PLLP: variants seen among roughly 807,000 people sequenced by gnomAD.
The protein encoded by PLLP is plasmolipin, also known as plasma membrane proteolipid (plasmolipin).
In PLLP, 15 loss-of-function variants were observed where a neutral mutation model predicts 19.7. The ratio of observed to expected loss-of-function variants is 0.76; its 90% CI spans 0.51 to 1.17. PLLP has a LOEUF of 1.17. Among genes scored for constraint, PLLP ranks in the 50% most tolerant of loss-of-function variants. PLLP has a pLI of 0.00. For synonymous variants in PLLP, 111 were observed against 116.3 expected (o/e 0.95, Z 0.29); for missense variants, 255 against 258.3 (o/e 0.99, Z 0.09).
At chr16:57,273,536 G>A (rs185344423) in intron 1 of PLLP, among the ~76,000 whole-genome samples, 735 of 152,324 alleles carry the variant, frequency 4.8e-3, no homozygotes, top group Non-Finnish European at 8.2e-3. Context: ...CAACAGCAAA[G>A]GGCCTGGGCC....
At chr16:57,276,126 C>G (rs1249174255) in intron 1 of PLLP, among the ~76,000 whole-genome samples, 1 of 151,792 alleles carries the variant, frequency 6.6e-6, no homozygotes, top group African/African-American at 2.4e-5. Context: ...ACAAACAACC[C>G]AAACACATTT....
intron 1 of PLLP, among the ~76,000 whole-genome samples, chr16:57,270,298 C>T (rs1331092368): frequency 2.9e-5 from 4 of 137,212 alleles, no homozygotes; most frequent in African/African-American, 1.1e-4. Context: ...CCCCCGAGTC[C>T]TTCCCCAGCC....
chr16:57,270,784 C>T (rs2075472344), intron 1 of PLLP, among the ~76,000 whole-genome samples: 1 of 152,158 alleles, frequency 6.6e-6, no homozygotes, highest in African/African-American at 2.4e-5. Flanking sequence ...GGAGTCATCC[C>T]CGCTCTCCAG....
At chr16:57,258,116 A>T (rs1422160284) in intron 3 of PLLP, among the ~76,000 whole-genome samples, 1 of 152,216 alleles carries the variant, frequency 6.6e-6, no homozygotes, top group Non-Finnish European at 1.5e-5. Context: ...CTCTAGTCCC[A>T]GCTACTTGGG....
chr16:57,277,134 C>A (rs1263219757), intron 1 of PLLP, among the ~76,000 whole-genome samples: 4 of 152,220 alleles, frequency 2.6e-5, no homozygotes, highest in Admixed American at 2.0e-4. Flanking sequence ...GAATCTAGAG[C>A]CACATTTGCA....
chr16:57,261,304 C>A (rs933833147), intron 2 of PLLP, among the ~76,000 whole-genome samples: 1 of 152,078 alleles, frequency 6.6e-6, no homozygotes, highest in African/African-American at 2.4e-5. Flanking sequence ...CACACCCGGC[C>A]GGGAAAAATA....
intron 1 of PLLP, among the ~76,000 whole-genome samples, chr16:57,262,987 G>A (rs1264753875): frequency 6.6e-6 from 1 of 152,098 alleles, no homozygotes; most frequent in African/African-American, 2.4e-5. Flanking sequence ...CACAGCCGTG[G>A]CTGTCTCACA....
rs1216368405 is a variant in PLLP at position 57,258,477 on chromosome 16, C to G, written c.417G>C (p.Gln139His). 1 of 1,611,762 alleles carries G rather than the reference C, an allele frequency of 6.2e-7. No individual in the cohort carries two copies. Among genetic ancestry groups the G allele is most frequent in the African/African-American group, 1.3e-5 (1 of 74,908 alleles). ...GCAGACTCACCGAGGCAGCCGCGCG[C>G]TGGTTATAAGGCCGGGTGCCCCTCA... ...TSLRGTRPYN[Q>H]RAAASFFACL... The change falls in exon 3 of 4, where the codon CAG (glutamine) becomes CAC (histidine). Residue 139 changes from glutamine (Q) to histidine (H), a missense_variant. Physicochemically the swap from Gln to His is conservative, Grantham distance 24. Transcript: ENST00000219207.
At chr16:57,280,474 C>T (rs1298071893) in intron 1 of PLLP, among the ~76,000 whole-genome samples, 1 of 152,060 alleles carries the variant, frequency 6.6e-6, no homozygotes, top group East Asian at 1.9e-4. Flanking sequence ...ACACAAAAAT[C>T]TGTAGCACTG....
intron 3 of PLLP, 31 bp downstream of exon 3, chr16:57,258,431 A>G (rs756853160): frequency 1.2e-6 from 2 of 1,602,964 alleles, no homozygotes; most frequent in East Asian, 4.5e-5. Context: ...GACCCTGCAG[A>G]CCACCAAGGG....
chr16:57,275,964 T>C (rs1901148920), intron 1 of PLLP, among the ~76,000 whole-genome samples: 1 of 151,986 alleles, frequency 6.6e-6, no homozygotes, highest in Non-Finnish European at 1.5e-5. Context: ...AAAAATTAGC[T>C]GGGCATGGTG....
At chr16:57,278,617 G>A (rs899094863) in intron 1 of PLLP, among the ~76,000 whole-genome samples, 3 of 152,140 alleles carry the variant, frequency 2.0e-5, no homozygotes, top group African/African-American at 7.2e-5. Flanking sequence ...GAGTGTGGGG[G>A]GAACTAACAA....
At chr16:57,280,850 TGAA>T (rs1253710301) in intron 1 of PLLP, among the ~76,000 whole-genome samples, 2 of 152,244 alleles carry the variant, frequency 1.3e-5, no homozygotes, top group Non-Finnish European at 2.9e-5. Flanking sequence ...CAGACATCTG[TGAA>T]GAATACTGAG....
At position 57,258,447 on chromosome 16, in the gene PLLP, G is replaced by C; in HGVS notation, c.432+15C>G. 1 of 1,606,966 alleles carries C rather than the reference G, an allele frequency of 6.2e-7. No individual in the cohort carries two copies. The highest frequency in any genetic ancestry group is 8.5e-7 in the Non-Finnish European group (1 of 1,179,500). ...ACCCTGCAGACCACCAAGGGAGCCTGGGAAGCAGACTCACCGAGGCAGCCG... is the reference window on the plus strand; with the variant it reads ...ACCCTGCAGACCACCAAGGGAGCCTCGGAAGCAGACTCACCGAGGCAGCCG... On this transcript the variant is annotated intron_variant, in intron 3 of 3. Transcript: ENST00000219207.
At chr16:57,267,030 T>C (rs533484867) in intron 1 of PLLP, among the ~76,000 whole-genome samples, 2 of 152,288 alleles carry the variant, frequency 1.3e-5, no homozygotes, top group Admixed American at 6.5e-5. Flanking sequence ...ACCTGTGGCA[T>C]CAGAGAGAAG....
chr16:57,273,064 C>T (rs533901993), intron 1 of PLLP, among the ~76,000 whole-genome samples: 3 of 151,910 alleles, frequency 2.0e-5, no homozygotes, highest in Admixed American at 1.3e-4. Context: ...CGAGACCATC[C>T]TGGCTAACAT....
chr16:57,259,485 C>T (rs1368931130), intron 2 of PLLP, among the ~76,000 whole-genome samples: 1 of 152,204 alleles, frequency 6.6e-6, no homozygotes, highest in Non-Finnish European at 1.5e-5. Flanking sequence ...ACCAGACTGG[C>T]AGGAAGGGGC....
Position 57,282,228 on chromosome 16 carries a change from CTTT to C in PLLP, c.135+2175_135+2177del, listed in dbSNP as rs5817092. ...TGCTAGTCTCTTTCTTTTTTCTTTT[CTTT>C]TTTTTTTTTTGTGTGTGTGTTTGTC... is the stretch of plus-strand genomic sequence containing the variant. On this transcript the variant is annotated intron_variant, in intron 1 of 3. Coordinates refer to ENST00000219207, the MANE Select transcript of PLLP (RefSeq NM_015993.3). 7.5e-5 allele frequency among the ~76,000 whole-genome samples: 11 copies of C among 146,652 alleles called. No individual in the cohort carries two copies. In the East Asian group the frequency reaches 8.0e-4, roughly 11 times the overall value.
chr16:57,271,928 G>A (rs1241484968), intron 1 of PLLP, among the ~76,000 whole-genome samples: 1 of 151,830 alleles, frequency 6.6e-6, no homozygotes, highest in Non-Finnish European at 1.5e-5. Context: ...TCCTTCCCAG[G>A]GTCTCCTAGG....
Sources: allele counts gnomAD v4.1 joint callset (sites outside exome capture counted in the v4.1 genomes callset), GRCh38; gene constraint gnomAD v4.1.1; transcripts MANE v1.5; gene names NCBI Gene and HGNC (gene_info 2026-07-23, HGNC 2026-07-21).